CHUK: variants seen among roughly 807,000 people sequenced by gnomAD.
The protein encoded by CHUK is inhibitor of nuclear factor kappa-B kinase subunit alpha.
A neutral mutation model predicts 104.8 loss-of-function variants in CHUK; 35 were observed. The observed-to-expected ratio is 0.33, with a 90% CI of 0.26 to 0.44. The LOEUF is 0.44. Ranked by LOEUF, CHUK falls within the 20% of genes least tolerant of loss-of-function variation. The pLI is 1.00. For missense variants in CHUK, 663 were observed against 902.7 expected, an observed-to-expected ratio of 0.73 and a Z score of 3.40; for synonymous variants, 276 against 291.9, an observed-to-expected ratio of 0.95 and a Z score of 0.56.
chr10:100,204,269 T>C (rs1007765215), intron 13 of CHUK, among the ~76,000 whole-genome samples: 4 of 152,246 alleles, frequency 2.6e-5, no homozygotes, highest in African/African-American at 7.2e-5. Flanking sequence ...AAATCGCACC[T>C]GTATTTTTTT....
At chr10:100,207,590 C>A (rs1347219478) in intron 10 of CHUK, among the ~76,000 whole-genome samples, 1 of 152,168 alleles carries the variant, frequency 6.6e-6, no homozygotes, top group East Asian at 1.9e-4. Context: ...AAAAACTAAT[C>A]GGTAATCAAA....
In CHUK at chr10:100,219,261, AG is replaced by A; in HGVS notation, c.564+8del. 6.3e-7 allele frequency: 1 copy of A among 1,575,192 alleles called. No homozygotes were observed. Among genetic ancestry groups the A allele is most frequent in the Non-Finnish European group, 8.7e-7 (1 of 1,144,508 alleles). On this transcript the variant is annotated splice_region_variant and intron_variant, in intron 6 of 20. Coordinates refer to ENST00000370397, the MANE Select transcript of CHUK (RefSeq NM_001278.5). Reference sequence around the variant, plus strand: ...ACACTTAAATTCAAAGAAACAAAACAGGTCTCACCAGATACTGCAGTGTTCC... The same window carrying A: ...ACACTTAAATTCAAAGAAACAAAACAGTCTCACCAGATACTGCAGTGTTCC...
At chr10:100,228,346 C>T (rs936993532) in intron 1 of CHUK, among the ~76,000 whole-genome samples, 1 of 152,114 alleles carries the variant, frequency 6.6e-6, no homozygotes, top group African/African-American at 2.4e-5. Context: ...CAGCTTTTAT[C>T]GGTATATCAA....
chr10:100,215,800 A>C (rs954471416), intron 9 of CHUK, among the ~76,000 whole-genome samples: 2 of 152,162 alleles, frequency 1.3e-5, no homozygotes, highest in African/African-American at 2.4e-5. Context: ...AGTAACACCA[A>C]GCTGTTTTGC....
At chr10:100,197,921 C>G (rs1051458617) in intron 16 of CHUK, among the ~76,000 whole-genome samples, 1 of 152,184 alleles carries the variant, frequency 6.6e-6, no homozygotes, top group Non-Finnish European at 1.5e-5. Context: ...AACACTTGCA[C>G]TGTTTTACAT....
intron 9 of CHUK, among the ~76,000 whole-genome samples, chr10:100,210,091 ATTT>A (rs11436816): frequency 2.3e-4 from 28 of 121,828 alleles, no homozygotes; most frequent in South Asian, 1.6e-3. Context: ...TTATTTATTT[ATTT>A]TTTTTTTTTT....
chr10:100,187,540 A>G (rs1564825695), downstream of CHUK: 2 of 152,214 alleles, frequency 1.3e-5, no homozygotes, highest in Non-Finnish European at 2.9e-5. Flanking sequence ...TTCTGTAGAC[A>G]TTCTCTGAAG....
At chr10:100,212,528 AT>A (rs1845753532) in intron 9 of CHUK, among the ~76,000 whole-genome samples, 1 of 152,160 alleles carries the variant, frequency 6.6e-6, no homozygotes, top group South Asian at 2.1e-4. Flanking sequence ...TTTCTTATAA[AT>A]TTAGGATATT....
intron 2 of CHUK, among the ~76,000 whole-genome samples, chr10:100,223,542 G>A (rs1846036702): frequency 6.6e-6 from 1 of 152,106 alleles, no homozygotes; most frequent in Non-Finnish European, 1.5e-5. Flanking sequence ...AGAGGCTGAG[G>A]TGGGAGGACT....
At chr10:100,186,414 G>A (rs1440045035), downstream of CHUK, 3 of 197,696 alleles carry the variant, frequency 1.5e-5, no homozygotes, top group African/African-American at 2.3e-5. Context: ...TGCCCTTCAG[G>A]AGCAACTAAA....
chr10:100,209,786 C>G lies in CHUK; in HGVS notation c.937G>C (p.Val313Leu), dbSNP rs1845680432. 7.6e-7 allele frequency: 1 copy of G among 1,318,424 alleles called. No homozygotes were observed. The highest frequency in any genetic ancestry group is 1.1e-6 in the Non-Finnish European group (1 of 912,090). 81.7% of individuals were successfully genotyped at this position (1,318,424 alleles called of 1,614,324 possible). ...LMDHILNLKIVHILNMTSAKI... is the reference protein window; with the variant it reads ...LMDHILNLKILHILNMTSAKI... ...GCAGAAGTCATATTTAGGATGTGTA[C>G]TATCTGTATAAATAAGAAAAAAAGG... Residue 313 changes from valine to leucine, a missense_variant, in exon 10 of 21, where the codon GTA becomes CTA. Around this residue, in one of 5 missense-constraint regions of CHUK, gnomAD observed 93 missense variants for 95.9 expected, o/e 0.97. Coordinates refer to ENST00000370397, the MANE Select transcript of CHUK (RefSeq NM_001278.5).
At chr10:100,221,241 C>T (rs1845980140) in intron 4 of CHUK, among the ~76,000 whole-genome samples, 1 of 152,076 alleles carries the variant, frequency 6.6e-6, no homozygotes, top group Non-Finnish European at 1.5e-5. Flanking sequence ...TTGAGACCAG[C>T]CTGGCCAACA....
chr10:100,204,822 T>C (rs965688555), intron 12 of CHUK, among the ~76,000 whole-genome samples, 165 bp from the exon 13 acceptor site: 2 of 152,236 alleles, frequency 1.3e-5, no homozygotes, highest in African/African-American at 2.4e-5. Flanking sequence ...TCTAAAGACT[T>C]CCTGCCTATA....
At chr10:100,202,364 C>T (rs1845483590) in intron 13 of CHUK, among the ~76,000 whole-genome samples, 2 of 152,152 alleles carry the variant, frequency 1.3e-5, no homozygotes, top group African/African-American at 4.8e-5. Context: ...AATACTCATA[C>T]TGGAATGGTC....
At chr10:100,226,087 ATAACT>A (rs774514280) in intron 1 of CHUK, 70 bp from the exon 2 acceptor site, 4 of 924,756 alleles carry the variant, frequency 4.3e-6, no homozygotes, top group African/African-American at 1.6e-5. Flanking sequence ...TACCAAAGAA[ATAACT>A]TAAGACAACA....
At chr10:100,226,843 ATATAT>A (rs1310107490) in intron 1 of CHUK, among the ~76,000 whole-genome samples, 8 of 152,216 alleles carry the variant, frequency 5.3e-5, no homozygotes, top group Non-Finnish European at 8.8e-5. Context: ...GACAGAAAAA[ATATAT>A]TATAGGTGGG....
In CHUK at chr10:100,223,786, T is replaced by C. The variant is rs1846042508; in HGVS notation, c.201-806A>G. Among the ~76,000 whole-genome samples the C allele has an allele frequency of 5.9e-5, 9 of 152,304 alleles. 1 individual carries two copies. In the South Asian group the frequency reaches 1.9e-3, roughly 32 times the overall value. On this transcript the variant is annotated intron_variant, in intron 2 of 20. Coordinates refer to ENST00000370397, the MANE Select transcript of CHUK (RefSeq NM_001278.5). ...GAAAGTATTTATTTCAAATCCACAC[T>C]TTACCAACCACCAGCTATGTGATTC...
intron 19 of CHUK, among the ~76,000 whole-genome samples, chr10:100,191,769 C>T (rs1159425104): frequency 2.0e-5 from 3 of 152,220 alleles, no homozygotes; most frequent in Non-Finnish European, 1.5e-5. Context: ...AAACAGTTCC[C>T]AATCCTTGGT....
At chr10:100,208,778 T>C (rs1845650824) in intron 10 of CHUK, among the ~76,000 whole-genome samples, 1 of 37,554 alleles carries the variant, frequency 2.7e-5, no homozygotes, top group South Asian at 4.7e-4. Context: ...AGAGCAAGAC[T>C]GTCTAAAAAA....
Sources: gnomAD v4.1 joint callset for allele counts (sites outside exome capture counted in the v4.1 genomes callset) on GRCh38, gnomAD v4.1.1 for gene constraint, gnomAD v4.1.1 regional missense constraint, MANE v1.5 for transcripts, NCBI Gene and HGNC (gene_info 2026-07-23, HGNC 2026-07-21) for gene names.